The following ALG6 variants were observed in gnomAD, a reference collection of about 807,000 sequenced individuals.
ALG6 encodes ALG6 alpha-1,3-glucosyltransferase.
ALG6 carries 46 observed loss-of-function variants against 66.6 expected under a neutral mutation model. That is an observed-to-expected ratio of 0.69 (90% CI 0.55 to 0.88). ALG6 has a LOEUF of 0.88. Among genes scored for constraint, ALG6 ranks in the 40% least tolerant of loss-of-function variants. The pLI is 0.00. For missense variants in ALG6, 505 were observed against 586.8 expected (o/e 0.86, Z 1.44); for synonymous variants, 185 against 203.7 (o/e 0.91, Z 0.78).
chr1:63,407,035 CTTA>C, intron 6 of ALG6, 24 bp from the exon 7 acceptor site: 5 of 1,563,406 alleles, frequency 3.2e-6, no homozygotes, highest in Non-Finnish European at 4.4e-6. Context: ...AGATTACTTT[CTTA>C]TCTCACAATA....
At position 63,402,264 on chromosome 1, in the gene ALG6, A is replaced by T; in HGVS notation, c.178A>T (p.Ser60Cys). 1 of 1,601,544 alleles carries T rather than the reference A, an allele frequency of 6.2e-7. No homozygotes were observed. The highest frequency in any genetic ancestry group is 1.7e-5 in the Admixed American group (1 of 59,984). The change falls in exon 4 of 15, where the codon AGC becomes TGC. Residue 60 changes from serine to cysteine, a missense_variant. Transcript: ENST00000263440. ...TTTTTTCTTTTTCAGGTATTTTAAC[A>T]GCAGTGATAACAATTTACAGTATTG... ...NLPVKQWYFNSSDNNLQYWGL... is the reference protein window; with the variant it reads ...NLPVKQWYFNCSDNNLQYWGL...
intron 2 of ALG6, among the ~76,000 whole-genome samples, chr1:63,376,819 A>G (rs1261835566): frequency 6.6e-6 from 1 of 152,134 alleles, no homozygotes; most frequent in African/African-American, 2.4e-5. Flanking sequence ...ATAACCCAAT[A>G]TTATTGTTTT....
At chr1:63,407,575 T>A (rs1361761987) in intron 7 of ALG6, among the ~76,000 whole-genome samples, 1 of 152,106 alleles carries the variant, frequency 6.6e-6, no homozygotes, top group African/African-American at 2.4e-5. Context: ...AATCAAAATA[T>A]GGCTTTTATA....
chr1:63,382,567 G>C (rs1265933780), intron 2 of ALG6, among the ~76,000 whole-genome samples: 2 of 151,538 alleles, frequency 1.3e-5, no homozygotes, highest in Non-Finnish European at 2.9e-5. Flanking sequence ...TCTGCCTCCC[G>C]AGTTCAAGCA....
At chr1:63,399,775 T>C (rs1644436602) in intron 3 of ALG6, among the ~76,000 whole-genome samples, 1 of 152,276 alleles carries the variant, frequency 6.6e-6, no homozygotes, top group Non-Finnish European at 1.5e-5. Context: ...TTGAATGTAA[T>C]TTTATAATTC....
At chr1:63,379,342 C>G (rs367565576) in intron 2 of ALG6, among the ~76,000 whole-genome samples, 5 of 152,232 alleles carry the variant, frequency 3.3e-5, no homozygotes, top group Admixed American at 6.5e-5. Flanking sequence ...AATTCAGGCC[C>G]CAACCTGGGC....
chr1:63,424,721 A>G (rs2100436147), intron 12 of ALG6, among the ~76,000 whole-genome samples: 1 of 151,546 alleles, frequency 6.6e-6, no homozygotes, highest in East Asian at 1.9e-4. Context: ...TTTCCTTCTA[A>G]GAGTTTTATG....
At chr1:63,368,253 T>C (rs1008748046) in intron 1 of ALG6, among the ~76,000 whole-genome samples, 5 of 152,158 alleles carry the variant, frequency 3.3e-5, no homozygotes, top group Admixed American at 3.3e-4. Flanking sequence ...CTTTTTCTGG[T>C]TTAAGCAGAA....
chr1:63,430,012 A>G (rs1186781222), intron 14 of ALG6, among the ~76,000 whole-genome samples: 1 of 152,054 alleles, frequency 6.6e-6, no homozygotes. Flanking sequence ...CCTCCCTAGT[A>G]GCTGGAACTA....
At chr1:63,414,307 A>C (rs1163793217) in intron 10 of ALG6, among the ~76,000 whole-genome samples, 161 bp downstream of exon 10, 1 of 149,188 alleles carries the variant, frequency 6.7e-6, no homozygotes, top group Non-Finnish European at 1.5e-5. Flanking sequence ...GTTGGAGTGC[A>C]GTGGCTTGAG....
chr1:63,404,398 T>A (rs1381160716), intron 4 of ALG6, 55 bp from the exon 5 acceptor site: 4 of 1,369,004 alleles, frequency 2.9e-6, no homozygotes, highest in Non-Finnish European at 4.2e-6. Flanking sequence ...TTCAATATCT[T>A]TATTGCTAAA....
At chr1:63,399,377 T>G (rs1453509119) in intron 3 of ALG6, among the ~76,000 whole-genome samples, 1 of 152,154 alleles carries the variant, frequency 6.6e-6, no homozygotes. Flanking sequence ...TCACAGGACT[T>G]GCCTACGCTC....
chr1:63,406,955 C>G (rs1570065667), intron 6 of ALG6, 107 bp from the exon 7 acceptor site: 1 of 822,444 alleles, frequency 1.2e-6, no homozygotes, highest in East Asian at 2.5e-5. Flanking sequence ...TGTGACACCT[C>G]TGGAAAAGGG....
At chr1:63,374,461 C>T (rs1173066487) in intron 2 of ALG6, among the ~76,000 whole-genome samples, 1 of 151,988 alleles carries the variant, frequency 6.6e-6, no homozygotes, top group Non-Finnish European at 1.5e-5. Context: ...AACCCCGTCT[C>T]TACTAAAAAT....
intron 1 of ALG6, among the ~76,000 whole-genome samples, chr1:63,369,284 G>A (rs1647830324): frequency 1.3e-5 from 2 of 152,180 alleles, no homozygotes; most frequent in African/African-American, 4.8e-5. Flanking sequence ...CAAAAGATTA[G>A]CCATTCCAAT....
intron 10 of ALG6, among the ~76,000 whole-genome samples, chr1:63,414,768 A>C (rs1644533984): frequency 6.6e-6 from 1 of 152,280 alleles, no homozygotes; most frequent in East Asian, 1.9e-4. Context: ...GTAGGAGATC[A>C]CTGTGTACTG....
chr1:63,427,076 C>T (rs1241571816), intron 12 of ALG6, among the ~76,000 whole-genome samples: 2 of 152,112 alleles, frequency 1.3e-5, no homozygotes, highest in Non-Finnish European at 2.9e-5. Flanking sequence ...TCTCGGCTCA[C>T]TGCAACCTCC....
chr1:63,423,289 G>A (rs973889333), intron 12 of ALG6, among the ~76,000 whole-genome samples: 2 of 152,156 alleles, frequency 1.3e-5, no homozygotes, highest in African/African-American at 2.4e-5. Flanking sequence ...CTCCCAAAGT[G>A]CTGGGATTAC....
chr1:63,409,037 C>G (rs539268373), intron 7 of ALG6, among the ~76,000 whole-genome samples: 1 of 152,184 alleles, frequency 6.6e-6, no homozygotes, highest in African/African-American at 2.4e-5. Flanking sequence ...ACCTTGGCCT[C>G]CCAGAGTGCT....
Sources: gnomAD v4.1 joint callset for allele counts (sites outside exome capture counted in the v4.1 genomes callset) on GRCh38, gnomAD v4.1.1 for gene constraint, MANE v1.5 for transcripts, NCBI Gene and HGNC (gene_info 2026-07-23, HGNC 2026-07-21) for gene names.